Variants in FSIP1 observed in about 807,000 individuals in gnomAD.
The protein encoded by FSIP1 is fibrous sheath interacting protein 1.
A neutral mutation model predicts 60.9 loss-of-function variants in FSIP1; 65 were observed. That is an observed-to-expected ratio of 1.07 (90% confidence interval 0.87 to 1.31). The LOEUF (loss-of-function observed/expected upper bound fraction) is 1.31, where lower values mean the gene tolerates loss of function less well. Among genes scored for constraint, FSIP1 ranks in the 40% most tolerant of loss-of-function variants. The pLI, the probability that FSIP1 is intolerant of heterozygous loss-of-function variation, is 0.00. For synonymous variants in FSIP1, 209 were observed against 221.2 expected (o/e 0.94, Z 0.49); for missense variants, 675 against 665.5 (o/e 1.01, Z -0.16).
At chr15:39,683,741 G>A (rs1271445531) in intron 10 of FSIP1, among the ~76,000 whole-genome samples, 1 of 152,164 alleles carries the variant, frequency 6.6e-6, no homozygotes, top group Non-Finnish European at 1.5e-5. Flanking sequence ...ACAGGATAAA[G>A]TTCAACACAA....
intron 10 of FSIP1, among the ~76,000 whole-genome samples, chr15:39,707,584 A>T (rs906058697): frequency 3.9e-5 from 6 of 152,178 alleles, no homozygotes; most frequent in African/African-American, 1.4e-4. Flanking sequence ...TCCTGGAAAC[A>T]AGCTTATGTA....
At chr15:39,699,860 TA>T (rs1353715540) in intron 10 of FSIP1, among the ~76,000 whole-genome samples, 4 of 152,186 alleles carry the variant, frequency 2.6e-5, no homozygotes, top group African/African-American at 9.7e-5. Flanking sequence ...GATATTTTTT[TA>T]AAAGACATAG....
At chr15:39,764,985 C>G (rs1897631232) in intron 4 of FSIP1, among the ~76,000 whole-genome samples, 1 of 152,190 alleles carries the variant, frequency 6.6e-6, no homozygotes, top group South Asian at 2.1e-4. Flanking sequence ...CAGCACTTTA[C>G]CAGCCTGCTG....
chr15:39,613,487 C>A (rs568879957), intron 11 of FSIP1, among the ~76,000 whole-genome samples: 1 of 152,120 alleles, frequency 6.6e-6, no homozygotes, highest in Admixed American at 6.5e-5. Flanking sequence ...AAAAAAGGCC[C>A]AGGGCCAGAT....
At chr15:39,741,736 A>G in intron 6 of FSIP1, 69 bp downstream of exon 6, 2 of 771,458 alleles carry the variant, frequency 2.6e-6, no homozygotes, top group Non-Finnish European at 4.4e-6. Context: ...TATTTCATTT[A>G]TGAATATTTC....
intron 11 of FSIP1, among the ~76,000 whole-genome samples, chr15:39,617,246 T>TG (rs1234051220): frequency 2.6e-5 from 4 of 152,166 alleles, no homozygotes; most frequent in African/African-American, 9.7e-5. Flanking sequence ...CCATGACCAT[T>TG]GCAAGATGAA....
chr15:39,724,740 G>A (rs16969718), intron 9 of FSIP1, among the ~76,000 whole-genome samples: 18,091 of 152,164 alleles, frequency 0.12, 1,316 homozygotes, highest in African/African-American at 0.2. Context: ...TGACAGCCAT[G>A]AAACATTTTC....
intron 10 of FSIP1, among the ~76,000 whole-genome samples, chr15:39,683,455 C>T (rs183031728): frequency 1.3e-5 from 2 of 152,134 alleles, no homozygotes; most frequent in South Asian, 2.1e-4. Context: ...ATAACACCTA[C>T]GTCTAACATA....
intron 10 of FSIP1, among the ~76,000 whole-genome samples, chr15:39,631,698 T>G (rs1189228118): frequency 6.6e-6 from 1 of 152,232 alleles, no homozygotes; most frequent in Non-Finnish European, 1.5e-5. Flanking sequence ...AGGTTTAATT[T>G]GGTCTGCTGT....
At chr15:39,699,508 T>G (rs1050744248) in intron 10 of FSIP1, among the ~76,000 whole-genome samples, 1 of 152,250 alleles carries the variant, frequency 6.6e-6, no homozygotes, top group African/African-American at 2.4e-5. Context: ...TCTTTGTTGA[T>G]AGTAAAAGTA....
At chr15:39,754,304 G>A (rs1050493681) in intron 5 of FSIP1, among the ~76,000 whole-genome samples, 1 of 151,964 alleles carries the variant, frequency 6.6e-6, no homozygotes, top group African/African-American at 2.4e-5. Context: ...TTGACAGGAG[G>A]GATCTTGAGT....
rs371655472 is a variant in FSIP1 at position 39,745,652 on chromosome 15, C to T, written c.560-3752G>A. Among the ~76,000 whole-genome samples the T allele has an allele frequency of 1.1e-4, 16 of 152,258 alleles. No individual in the cohort carries two copies. The East Asian group carries it at 2.1e-3, about 20-fold the overall frequency. On this transcript the variant is annotated intron_variant, in intron 5 of 11. Coordinates refer to ENST00000350221, the MANE Select transcript of FSIP1 (RefSeq NM_152597.5). ...CCCACACTCACTCACAGTGGAACCA[C>T]GTAGATAACCTAACATGCATATCTT...
At chr15:39,740,935 G>A (rs1896782198) in intron 6 of FSIP1, among the ~76,000 whole-genome samples, 1 of 151,844 alleles carries the variant, frequency 6.6e-6, no homozygotes, top group South Asian at 2.1e-4. Flanking sequence ...AGCTTATATA[G>A]GCAAATAAAC....
chr15:39,604,824 C>A (rs1001283136), intron 11 of FSIP1, among the ~76,000 whole-genome samples: 4 of 152,108 alleles, frequency 2.6e-5, no homozygotes, highest in Non-Finnish European at 5.9e-5. Flanking sequence ...TAAGGACTTC[C>A]CTAAGAGCAA....
At chr15:39,610,644 T>C (rs11070224) in intron 11 of FSIP1, among the ~76,000 whole-genome samples, 33,576 of 152,066 alleles carry the variant, frequency 0.22, 4,862 homozygotes, top group African/African-American at 0.4. Flanking sequence ...CTAGTCTGGG[T>C]GACAGAGCAA....
intron 10 of FSIP1, among the ~76,000 whole-genome samples, chr15:39,655,536 T>C (rs1208543799): frequency 1.3e-5 from 2 of 152,204 alleles, no homozygotes; most frequent in East Asian, 1.9e-4. Context: ...CAAACATTTA[T>C]TGAATGCCCA....
intron 10 of FSIP1, among the ~76,000 whole-genome samples, chr15:39,650,634 T>G (rs1892827843): frequency 6.6e-6 from 1 of 152,118 alleles, no homozygotes; most frequent in African/African-American, 2.4e-5. Context: ...GAAAACGACT[T>G]TATGTAGACC....
At chr15:39,728,992 C>A (rs1212414219) in intron 8 of FSIP1, among the ~76,000 whole-genome samples, 1 of 152,046 alleles carries the variant, frequency 6.6e-6, no homozygotes, top group Non-Finnish European at 1.5e-5. Flanking sequence ...ATGAAAAAAA[C>A]GCTCGACATC....
At chr15:39,717,323 T>C (rs562519710) in intron 9 of FSIP1, among the ~76,000 whole-genome samples, 2 of 152,312 alleles carry the variant, frequency 1.3e-5, no homozygotes, top group South Asian at 2.1e-4. Context: ...TCAGAGTGTT[T>C]CTCCTTGAGC....
Sources: allele counts gnomAD v4.1 joint callset (sites outside exome capture counted in the v4.1 genomes callset), GRCh38; gene constraint gnomAD v4.1.1; transcripts MANE v1.5; gene names NCBI Gene and HGNC (gene_info 2026-07-23, HGNC 2026-07-21).